MAP3K20: variants seen among roughly 807,000 people sequenced by gnomAD.
MAP3K20 encodes HCCS-4.
In MAP3K20, 40 loss-of-function variants were observed where a neutral mutation model predicts 85.7. The ratio of observed to expected loss-of-function variants is 0.47; its 90% CI spans 0.36 to 0.61. MAP3K20 has a LOEUF of 0.61. Ranked by LOEUF, MAP3K20 falls within the 20% of genes least tolerant of loss-of-function variation. The probability of loss-of-function intolerance (pLI) is 0.00; values close to 1 mark genes in which losing one functional copy is unlikely to be tolerated. For synonymous variants in MAP3K20, 325 were observed against 327.7 expected (o/e 0.99, Z 0.09); for missense variants, 817 against 961.7 (o/e 0.85, Z 1.99).
intron 2 of MAP3K20, among the ~76,000 whole-genome samples, chr2:173,156,823 G>A (rs1239031351): frequency 6.6e-6 from 1 of 152,220 alleles, no homozygotes; most frequent in African/African-American, 2.4e-5. Flanking sequence ...CGTAGACAAA[G>A]TCAAGGAAAT....
intron 7 of MAP3K20, among the ~76,000 whole-genome samples, chr2:173,192,124 A>G (rs1473936749): frequency 6.6e-6 from 1 of 152,168 alleles, no homozygotes; most frequent in Non-Finnish European, 1.5e-5. Context: ...TTACTTCCTA[A>G]AAGGGCATTT....
At chr2:173,239,748 A>T (rs1684737479) in intron 16 of MAP3K20, among the ~76,000 whole-genome samples, 1 of 152,160 alleles carries the variant, frequency 6.6e-6, no homozygotes, top group Non-Finnish European at 1.5e-5. Context: ...CTCACAGTAA[A>T]GTATGGACAG....
intron 2 of MAP3K20, among the ~76,000 whole-genome samples, chr2:173,096,640 T>A (rs907657501): frequency 1.2e-4 from 18 of 152,190 alleles, no homozygotes; most frequent in African/African-American, 4.3e-4. Flanking sequence ...ACCCGGCCAA[T>A]CTAGTGAATT....
rs755166231 is a variant in MAP3K20 at position 173,191,168 on chromosome 2, C to T, written c.573C>T (p.Ser191=). The change falls in exon 7 of 20, where the codon TCC becomes TCT. Residue 191 remains serine, a synonymous_variant. Transcript: ENST00000375213. ...TGTCAGAAACTTGTGACACATATTC[C>T]TATGGTGTGGTGAGTTCATTTCTCA... ...LPVSETCDTY[S]YGVVLWEMLT... 4 of 1,613,738 alleles carry T rather than the reference C, an allele frequency of 2.5e-6. No homozygotes were observed. The highest frequency in any genetic ancestry group is 3.4e-6 in the Non-Finnish European group (4 of 1,179,872).
intron 2 of MAP3K20, among the ~76,000 whole-genome samples, chr2:173,156,507 G>A (rs1396072492): frequency 6.6e-6 from 1 of 152,180 alleles, no homozygotes; most frequent in African/African-American, 2.4e-5. Context: ...TTTTTCCACA[G>A]ATAGGGCGGT....
intron 2 of MAP3K20, among the ~76,000 whole-genome samples, chr2:173,110,229 ATATATATATATATTTTTTTTTTTTTTT>A (rs1687921138): frequency 9.7e-5 from 1 of 10,312 alleles, no homozygotes; most frequent in African/African-American, 3.7e-4. Flanking sequence ...ATATATATAT[ATATATATATATATTTTTTTTTTTTTTT>A]TTTTTTTTTT....
At chr2:173,077,831 A>C (rs1257317649) in intron 1 of MAP3K20, among the ~76,000 whole-genome samples, 1 of 152,246 alleles carries the variant, frequency 6.6e-6, no homozygotes, top group African/African-American at 2.4e-5. Context: ...ACTTGGATCT[A>C]AAAATGGATG....
At position 173,091,099 on chromosome 2, in the gene MAP3K20, G is replaced by A; in HGVS notation, c.68G>A (p.Gly23Asp). ...FDDLQFFENC[G>D]GGSFGSVYRA... ...GACTTGCAGTTTTTTGAAAACTGCG[G>A]TGGAGGAAGTTTTGGGAGTGTTTAT... is the stretch of plus-strand genomic sequence containing the variant. The change falls in exon 2 of 20, where the codon GGT becomes GAT. Residue 23 changes from glycine (G) to aspartate (D), a missense_variant. Around this residue, in one of 4 missense-constraint regions of MAP3K20, gnomAD observed 200 missense variants for 302.7 expected, o/e 0.66. Transcript: ENST00000375213. 1 of 1,614,026 alleles carries A rather than the reference G, an allele frequency of 6.2e-7. No homozygotes were observed. The highest frequency in any genetic ancestry group is 8.5e-7 in the Non-Finnish European group (1 of 1,179,962).
intron 12 of MAP3K20, among the ~76,000 whole-genome samples, chr2:173,231,139 G>C (rs1680565171): frequency 6.6e-6 from 1 of 152,238 alleles, no homozygotes; most frequent in Non-Finnish European, 1.5e-5. Context: ...CTCCAGCCCA[G>C]GGAACAGACC....
intron 2 of MAP3K20, among the ~76,000 whole-genome samples, chr2:173,169,366 A>G (rs988244354): frequency 3.4e-4 from 51 of 152,162 alleles, no homozygotes; most frequent in African/African-American, 7.5e-4. Flanking sequence ...CTTTCAAGAA[A>G]GACAGCTTTA....
At chr2:173,115,603 T>C (rs1219312846) in intron 2 of MAP3K20, among the ~76,000 whole-genome samples, 1 of 152,080 alleles carries the variant, frequency 6.6e-6, no homozygotes, top group African/African-American at 2.4e-5. Flanking sequence ...TCCCATGAGG[T>C]GTTCTCTTGA....
chr2:173,106,357 G>A (rs952012846), intron 2 of MAP3K20, among the ~76,000 whole-genome samples: 5 of 152,128 alleles, frequency 3.3e-5, no homozygotes, highest in Non-Finnish European at 2.9e-5. Context: ...TAGTGGAACC[G>A]AACAGAGAGT....
At position 173,134,415 on chromosome 2, in the gene MAP3K20, TA is replaced by T. The variant is rs1559246040; in HGVS notation, c.160-35389del. On this transcript the variant is annotated intron_variant, in intron 2 of 19. Coordinates refer to ENST00000375213, the MANE Select transcript of MAP3K20 (RefSeq NM_016653.3). ...ATACATATATATATATATATATATA[TA>T]TATATATATATATTTTTTTTTTTTT... is the stretch of plus-strand genomic sequence containing the variant. Among the ~76,000 whole-genome samples the T allele has an allele frequency of 4.3e-3, 70 of 16,394 alleles. 1 individual carries two copies. Among genetic ancestry groups the T allele is most frequent in the African/African-American group, 8.4e-3 (39 of 4,652 alleles). 10.8% of individuals were successfully genotyped at this position (16,394 alleles called of 152,430 possible).
At chr2:173,261,948 T>C (rs1422887271) in intron 18 of MAP3K20, among the ~76,000 whole-genome samples, 1 of 148,800 alleles carries the variant, frequency 6.7e-6, no homozygotes, top group Non-Finnish European at 1.5e-5. Flanking sequence ...GCCCAGGAGG[T>C]TGAGGCTGCA....
intron 11 of MAP3K20, chr2:173,221,234 T>C: frequency 1.2e-6 from 2 of 1,613,814 alleles, no homozygotes; most frequent in Non-Finnish European, 1.7e-6. Context: ...AGAGATGTCA[T>C]GTCAGATCAC....
intron 2 of MAP3K20, among the ~76,000 whole-genome samples, chr2:173,118,496 A>G (rs1376767424): frequency 6.6e-6 from 1 of 152,160 alleles, no homozygotes; most frequent in East Asian, 1.9e-4. Context: ...CTGTGCATCT[A>G]ATTTTGATGC....
intron 1 of MAP3K20, among the ~76,000 whole-genome samples, chr2:173,087,326 G>A (rs1258672896): frequency 6.6e-6 from 1 of 152,216 alleles, no homozygotes. Flanking sequence ...GCAGAGAAAA[G>A]TATTTGAAGC....
chr2:173,213,268 G>A (rs1040762815), intron 10 of MAP3K20, among the ~76,000 whole-genome samples: 2 of 152,138 alleles, frequency 1.3e-5, no homozygotes, highest in Non-Finnish European at 2.9e-5. Flanking sequence ...AGAACGGGGG[G>A]GAAAAGGAGA....
At chr2:173,161,796 G>A (rs1689665490) in intron 2 of MAP3K20, among the ~76,000 whole-genome samples, 1 of 152,158 alleles carries the variant, frequency 6.6e-6, no homozygotes, top group Non-Finnish European at 1.5e-5. Flanking sequence ...CCTTCTGTAA[G>A]AGTAACCTGA....
Sources: allele counts gnomAD v4.1 joint callset (sites outside exome capture counted in the v4.1 genomes callset), GRCh38; gene constraint gnomAD v4.1.1; regional missense constraint gnomAD v4.1.1; transcripts MANE v1.5; gene names NCBI Gene and HGNC (gene_info 2026-07-23, HGNC 2026-07-21).